The following KSR1 variants were observed in gnomAD, a reference collection of about 807,000 sequenced individuals.
The protein encoded by KSR1 is kinase suppressor of ras.
A neutral mutation model predicts 92.9 loss-of-function variants in KSR1; 35 were observed. The ratio of observed to expected loss-of-function variants is 0.38; its 90% CI spans 0.29 to 0.50. The LOEUF is 0.50. KSR1 is among the 20% of genes least tolerant of loss of function. The pLI, the probability that KSR1 is intolerant of heterozygous loss-of-function variation, is 0.94. For synonymous variants in KSR1, 467 were observed against 472.6 expected (o/e 0.99, Z 0.15); for missense variants, 972 against 1,158.5 (o/e 0.84, Z 2.34).
chr17:27,496,160 TGTGAAACAAGTCTTATTTTGA>T (rs1487921054), intron 1 of KSR1, among the ~76,000 whole-genome samples: 4 of 152,216 alleles, frequency 2.6e-5, no homozygotes, highest in Admixed American at 2.6e-4. Context: ...ATAACTGCAG[TGTGAAACAAGTCTTATTTTGA>T]GTAAGAGAGT....
At chr17:27,543,489 C>A (rs1488412535) in intron 1 of KSR1, among the ~76,000 whole-genome samples, 1 of 152,174 alleles carries the variant, frequency 6.6e-6, no homozygotes, top group Non-Finnish European at 1.5e-5. Context: ...TGTCCTTTAC[C>A]TGAAGAAGTC....
intron 19 of KSR1, among the ~76,000 whole-genome samples, chr17:27,620,190 G>T (rs1181849238): frequency 2.0e-5 from 3 of 152,212 alleles, no homozygotes; most frequent in African/African-American, 4.8e-5. Context: ...TGCAATACTG[G>T]GTTCAGTATT....
At chr17:27,471,746 G>C (rs750587814) in intron 1 of KSR1, among the ~76,000 whole-genome samples, 81 of 152,208 alleles carry the variant, frequency 5.3e-4, no homozygotes, top group Non-Finnish European at 9.8e-4. Flanking sequence ...ATATAAGAGT[G>C]AATGAGAGAT....
chr17:27,620,685 G>A (rs1013591704), intron 19 of KSR1, among the ~76,000 whole-genome samples: 1 of 152,118 alleles, frequency 6.6e-6, no homozygotes, highest in Non-Finnish European at 1.5e-5. Flanking sequence ...GTTCAAGGAG[G>A]GTGATGTGAG....
chr17:27,586,804 T>C (rs529439949), intron 5 of KSR1, among the ~76,000 whole-genome samples: 159 of 152,294 alleles, frequency 1.0e-3, no homozygotes, highest in African/African-American at 3.6e-3. Context: ...TTGGGGCTAA[T>C]TGATTGAAGT....
chr17:27,485,402 G>T (rs1462998116), intron 1 of KSR1, among the ~76,000 whole-genome samples: 1 of 152,242 alleles, frequency 6.6e-6, no homozygotes, highest in Admixed American at 6.5e-5. Context: ...CTGGAGTTCA[G>T]ATGGGTGGGG....
intron 1 of KSR1, among the ~76,000 whole-genome samples, chr17:27,506,530 G>A (rs572613192): frequency 6.6e-6 from 1 of 152,252 alleles, no homozygotes; most frequent in South Asian, 2.1e-4. Flanking sequence ...TGCACATTTC[G>A]GTGATTTCCA....
chr17:27,603,775 G>A (rs1245120390), intron 11 of KSR1, 59 bp from the exon 12 acceptor site: 1 of 1,569,380 alleles, frequency 6.4e-7, no homozygotes, highest in Non-Finnish European at 8.8e-7. Flanking sequence ...CAAGCACGGT[G>A]TCTCTTTGGG....
intron 9 of KSR1, among the ~76,000 whole-genome samples, chr17:27,596,226 T>A (rs1231623400): frequency 6.6e-6 from 1 of 152,224 alleles, no homozygotes; most frequent in African/African-American, 2.4e-5. Context: ...GGCTTGGAGC[T>A]TGAAGCCCTC....
chr17:27,498,149 G>A (rs1225598367), intron 1 of KSR1, among the ~76,000 whole-genome samples: 2 of 152,044 alleles, frequency 1.3e-5, no homozygotes, highest in African/African-American at 2.4e-5. Flanking sequence ...GGCCAACATG[G>A]TGAAACCCCG....
intron 13 of KSR1, among the ~76,000 whole-genome samples, chr17:27,604,993 G>A (rs1454843427): frequency 6.6e-6 from 1 of 152,220 alleles, no homozygotes; most frequent in Admixed American, 6.5e-5. Flanking sequence ...AAAAGTGTCA[G>A]CCAAGGCTGG....
rs200788543 is a variant in KSR1 at position 27,605,504 on chromosome 17, C to T, written c.1685C>T (p.Ser562Phe). Reference protein sequence around the residue: ...DEDEVDDLPSSRRPWRGPISR... With the variant: ...DEDEVDDLPSFRRPWRGPISR... ...GACGAGGTGGACGACTTGCCGAGCT[C>T]TCGCCGGCCCTGGCGGGGCCCCATC... The change falls in exon 14 of 21, where the codon TCT becomes TTT. Residue 562 changes from serine (S) to phenylalanine (F), a missense_variant. Physicochemically the swap from Ser to Phe is radical, Grantham distance 155. Coordinates refer to ENST00000644974, the MANE Select transcript of KSR1 (RefSeq NM_001394583.1). 2.7e-4 allele frequency: 425 copies of T among 1,603,106 alleles called. 2 individuals are homozygous for T. In the African/African-American group the frequency reaches 4.8e-3, roughly 18 times the overall value.
intron 1 of KSR1, among the ~76,000 whole-genome samples, chr17:27,535,367 C>T (rs2070718404): frequency 6.6e-6 from 1 of 152,142 alleles, no homozygotes; most frequent in African/African-American, 2.4e-5. Context: ...TTGGTGTGCG[C>T]CACAGAAAGA....
intron 9 of KSR1, among the ~76,000 whole-genome samples, chr17:27,594,816 G>C (rs930283973): frequency 6.6e-6 from 1 of 151,514 alleles, no homozygotes; most frequent in Non-Finnish European, 1.5e-5. Flanking sequence ...TCTTGCTCTC[G>C]TTGGCACCAA....
chr17:27,567,730 G>T (rs746895880), intron 2 of KSR1, among the ~76,000 whole-genome samples: 41 of 152,240 alleles, frequency 2.7e-4, no homozygotes, highest in Non-Finnish European at 5.0e-4. Flanking sequence ...TTGCACTTGG[G>T]CAGGGAATGC....
chr17:27,474,615 C>T (rs1474154261), intron 1 of KSR1, among the ~76,000 whole-genome samples: 1 of 152,150 alleles, frequency 6.6e-6, no homozygotes, highest in Non-Finnish European at 1.5e-5. Flanking sequence ...AGCACAATGC[C>T]TTGTGCAGAA....
At chr17:27,515,910 T>A (rs556030457) in intron 1 of KSR1, among the ~76,000 whole-genome samples, 1 of 152,292 alleles carries the variant, frequency 6.6e-6, no homozygotes, top group East Asian at 1.9e-4. Context: ...GCCTTTTTTT[T>A]TGTTAAGGGA....
intron 1 of KSR1, among the ~76,000 whole-genome samples, chr17:27,469,701 T>TC (rs1195098480): frequency 6.6e-6 from 1 of 152,120 alleles, no homozygotes; most frequent in East Asian, 1.9e-4. Flanking sequence ...TCCCCCACTG[T>TC]CCCCCGCCTT....
At chr17:27,476,903 G>A (rs2068363962) in intron 1 of KSR1, among the ~76,000 whole-genome samples, 2 of 152,212 alleles carry the variant, frequency 1.3e-5, no homozygotes, top group Non-Finnish European at 2.9e-5. Context: ...AGTCCATAGA[G>A]TAAAGTGAAA....
Sources: gnomAD v4.1 joint callset for allele counts (sites outside exome capture counted in the v4.1 genomes callset) on GRCh38, gnomAD v4.1.1 for gene constraint, MANE v1.5 for transcripts, NCBI Gene and HGNC (gene_info 2026-07-23, HGNC 2026-07-21) for gene names.